Variants in VRK2 observed in about 807,000 individuals in gnomAD.
VRK2 encodes VRK serine/threonine kinase 2, also known as serine/threonine-protein kinase VRK2.
Under a neutral mutation model 57.6 loss-of-function variants are expected in VRK2, and 60 were observed. The ratio of observed to expected loss-of-function variants is 1.04; its 90% CI spans 0.85 to 1.29. The LOEUF (loss-of-function observed/expected upper bound fraction) is 1.29. Ranked by LOEUF, VRK2 falls within the 50% of genes most tolerant of loss-of-function variation. The probability of loss-of-function intolerance (pLI) is 0.00; values close to 1 mark genes in which losing one functional copy is unlikely to be tolerated. For missense variants in VRK2, 705 were observed against 588.1 expected (o/e 1.20, Z -2.06); for synonymous variants, 231 against 199.2 (o/e 1.16, Z -1.35).
intron 1 of VRK2, among the ~76,000 whole-genome samples, chr2:57,944,570 A>T (rs545325470): frequency 2.0e-5 from 3 of 152,168 alleles, no homozygotes; most frequent in Non-Finnish European, 4.4e-5. Context: ...CCCCGTCTCT[A>T]CTAAAAATAC....
chr2:58,136,020 T>C (rs1197602455), intron 10 of VRK2, among the ~76,000 whole-genome samples: 1 of 152,156 alleles, frequency 6.6e-6, no homozygotes, highest in Non-Finnish European at 1.5e-5. Flanking sequence ...AAAGTAGATA[T>C]GTACACTGAC....
chr2:58,038,736 ACTTT>A (rs1358266115), intron 3 of VRK2, among the ~76,000 whole-genome samples: 1 of 152,098 alleles, frequency 6.6e-6, no homozygotes, highest in Non-Finnish European at 1.5e-5. Flanking sequence ...TTGAGTTTTC[ACTTT>A]CTTTCTGTGA....
At chr2:58,074,187 A>C (rs1374901653) in intron 2 of VRK2, among the ~76,000 whole-genome samples, 1 of 152,030 alleles carries the variant, frequency 6.6e-6, no homozygotes, top group Non-Finnish European at 1.5e-5. Context: ...TTTTATATTT[A>C]AAGTGGGTTT....
At chr2:58,046,738 G>C, upstream of VRK2, 1 of 985,546 alleles carries the variant, frequency 1.0e-6, no homozygotes, top group Non-Finnish European at 1.2e-6. Context: ...AGTTAGGCAG[G>C]TCCTAGGGAG....
At chr2:57,920,414 T>C (rs1018427349) in intron 1 of VRK2, among the ~76,000 whole-genome samples, 2 of 152,154 alleles carry the variant, frequency 1.3e-5, no homozygotes, top group Non-Finnish European at 2.9e-5. Flanking sequence ...TCACGATCAA[T>C]TGATTTCACA....
chr2:57,937,801 G>C (rs1191788753), intron 1 of VRK2, among the ~76,000 whole-genome samples: 1 of 149,614 alleles, frequency 6.7e-6, no homozygotes, highest in Non-Finnish European at 1.5e-5. Context: ...TTTAGAAGAT[G>C]CTATCAGCTA....
At chr2:57,927,830 G>A (rs748431142) in intron 1 of VRK2, among the ~76,000 whole-genome samples, 10 of 152,162 alleles carry the variant, frequency 6.6e-5, no homozygotes, top group Non-Finnish European at 1.0e-4. Context: ...ATAAAAGTGG[G>A]GTTTTTTTCC....
chr2:58,135,293 C>G (rs1679855326), intron 10 of VRK2, 94 bp downstream of exon 10: 3 of 1,360,380 alleles, frequency 2.2e-6, no homozygotes, highest in Non-Finnish European at 3.1e-6. Context: ...CCCACTTGCT[C>G]CTATTCCCAT....
upstream of VRK2, among the ~76,000 whole-genome samples, chr2:58,045,785 A>C (rs1674694659): frequency 6.6e-6 from 1 of 152,166 alleles, no homozygotes; most frequent in African/African-American, 2.4e-5. Flanking sequence ...CTGACGTATT[A>C]ATAATCTTTG....
chr2:58,041,256 G>C (rs1425119944), intron 3 of VRK2, among the ~76,000 whole-genome samples: 1 of 151,986 alleles, frequency 6.6e-6, no homozygotes, highest in Non-Finnish European at 1.5e-5. Flanking sequence ...TTGGCAGCAG[G>C]GTTCTACAAA....
At chr2:58,100,515 T>A (rs1196338649) in intron 7 of VRK2, among the ~76,000 whole-genome samples, 1 of 151,838 alleles carries the variant, frequency 6.6e-6, no homozygotes, top group Non-Finnish European at 1.5e-5. Context: ...TGCATGTTAT[T>A]CTTTCCTTCC....
At chr2:58,062,262 G>C (rs59350619) in intron 2 of VRK2, among the ~76,000 whole-genome samples, 2,899 of 152,012 alleles carry the variant, frequency 0.019, 107 homozygotes, top group African/African-American at 0.067. Flanking sequence ...GTAGCACATG[G>C]CCTGACTGCA....
intron 1 of VRK2, among the ~76,000 whole-genome samples, chr2:57,950,195 A>G (rs934549814): frequency 6.6e-6 from 1 of 152,228 alleles, no homozygotes; most frequent in African/African-American, 2.4e-5. Flanking sequence ...AATAAACAAT[A>G]CATTTTCCAT....
intron 2 of VRK2, among the ~76,000 whole-genome samples, chr2:58,029,572 ATCTC>A (rs1213866230): frequency 2.0e-5 from 3 of 152,120 alleles, no homozygotes; most frequent in Non-Finnish European, 4.4e-5. Context: ...AACTTGTGAG[ATCTC>A]TCTGTCTTCT....
At chr2:57,935,508 A>T (rs1670876409) in intron 1 of VRK2, among the ~76,000 whole-genome samples, 1 of 152,078 alleles carries the variant, frequency 6.6e-6, no homozygotes, top group African/African-American at 2.4e-5. Flanking sequence ...ATCCTTAGGT[A>T]TGTGCTCTGG....
intron 12 of VRK2, among the ~76,000 whole-genome samples, chr2:58,146,805 C>G (rs1682221887): frequency 6.6e-6 from 1 of 151,930 alleles, no homozygotes; most frequent in African/African-American, 2.4e-5. Context: ...TCAAGTCTCA[C>G]CCTTATAATC....
chr2:58,144,184 TA>T (rs760922312), intron 11 of VRK2, among the ~76,000 whole-genome samples: 1 of 151,640 alleles, frequency 6.6e-6, no homozygotes. Context: ...AGGTGGAATC[TA>T]AAAAAAATAA....
Position 57,915,978 on chromosome 2 carries a change from C to T in VRK2, c.-439+8139C>T, listed in dbSNP as rs774431643. Among the ~76,000 whole-genome samples the T allele has an allele frequency of 1.0e-3, 155 of 152,240 alleles. 3 individuals are homozygous for T. Among genetic ancestry groups the T allele is most frequent in the Non-Finnish European group, 3.4e-4 (23 of 68,004 alleles). ...GAGGTGAAACAGTTTCATCCCAAAA[C>T]CACCACTCCCCATGCCAGTTTCGTG... On this transcript the variant is annotated intron_variant, in intron 1 of 15. Coordinates refer to the VRK2 transcript ENST00000417641.
chr2:58,111,668 C>G (rs1248064984), intron 7 of VRK2, among the ~76,000 whole-genome samples: 1 of 152,054 alleles, frequency 6.6e-6, no homozygotes, highest in African/African-American at 2.4e-5. Context: ...CGCAAATAAT[C>G]ACACCTACCT....
Sources: allele counts gnomAD v4.1 joint callset (sites outside exome capture counted in the v4.1 genomes callset), GRCh38; gene constraint gnomAD v4.1.1; transcripts MANE v1.5; gene names NCBI Gene and HGNC (gene_info 2026-07-23, HGNC 2026-07-21).